Variants in PLXNA4 observed in about 807,000 individuals in gnomAD.
PLXNA4 encodes the protein plexin-A4.
In PLXNA4, 44 loss-of-function variants were observed where a neutral mutation model predicts 191.8. The ratio of observed to expected loss-of-function variants is 0.23; its 90% CI spans 0.18 to 0.29. The LOEUF (loss-of-function observed/expected upper bound fraction) is 0.29. PLXNA4 is among the 10% of genes least tolerant of loss of function. The pLI is 1.00. For synonymous variants in PLXNA4, 1,082 were observed against 1,009.5 expected, an observed-to-expected ratio of 1.07 and a Z score of -1.36; for missense variants, 1,800 against 2,488.8, an observed-to-expected ratio of 0.72 and a Z score of 5.89.
chr7:132,436,912 C>T (rs1354949644), intron 3 of PLXNA4, among the ~76,000 whole-genome samples: 1 of 152,186 alleles, frequency 6.6e-6, no homozygotes, highest in Non-Finnish European at 1.5e-5. Flanking sequence ...GACACTTGTA[C>T]TATTGGCCAG....
chr7:132,631,865 TC>T (rs1803496499), intron 2 of PLXNA4, among the ~76,000 whole-genome samples: 1 of 152,204 alleles, frequency 6.6e-6, no homozygotes, highest in African/African-American at 2.4e-5. Flanking sequence ...CACTCTCCTT[TC>T]AATTCCTTTC....
intron 9 of PLXNA4, among the ~76,000 whole-genome samples, chr7:132,218,415 G>T (rs1215249367): frequency 6.6e-6 from 1 of 152,218 alleles, no homozygotes; most frequent in Non-Finnish European, 1.5e-5. Flanking sequence ...CTGGGGGCCA[G>T]ATGTGCTTTG....
intron 4 of PLXNA4, among the ~76,000 whole-genome samples, chr7:132,256,405 G>T (rs939809188): frequency 6.6e-6 from 1 of 152,170 alleles, no homozygotes; most frequent in Non-Finnish European, 1.5e-5. Flanking sequence ...CCTGGACCAG[G>T]GTCTGGGGCA....
chr7:132,226,513 G>C (rs1441587270), intron 7 of PLXNA4, among the ~76,000 whole-genome samples: 1 of 152,218 alleles, frequency 6.6e-6, no homozygotes, highest in Non-Finnish European at 1.5e-5. Flanking sequence ...CACTGCCAGG[G>C]ATTCAAATGT....
chr7:132,385,715 C>T (rs117700223), intron 3 of PLXNA4, among the ~76,000 whole-genome samples: 2,974 of 152,326 alleles, frequency 0.02, 38 homozygotes, highest in Non-Finnish European at 0.03. Context: ...AGTGCATGCG[C>T]GCACACACAC....
chr7:132,409,959 T>A (rs146378288), intron 3 of PLXNA4, among the ~76,000 whole-genome samples: 1 of 152,318 alleles, frequency 6.6e-6, no homozygotes, highest in African/African-American at 2.4e-5. Flanking sequence ...TTTGTGCCCT[T>A]GAAGTTTAAA....
At chr7:132,163,779 A>G (rs1796017581) in intron 24 of PLXNA4, among the ~76,000 whole-genome samples, 1 of 151,922 alleles carries the variant, frequency 6.6e-6, no homozygotes, top group Admixed American at 6.6e-5. Context: ...TCTGTCCCCC[A>G]CTCTCTGCCT....
chr7:132,394,133 G>A (rs1325742060), intron 3 of PLXNA4, among the ~76,000 whole-genome samples: 1 of 152,152 alleles, frequency 6.6e-6, no homozygotes, highest in Non-Finnish European at 1.5e-5. Flanking sequence ...GGGAGAGGGG[G>A]AAGGGAACAG....
chr7:132,437,207 G>A (rs974673199), intron 3 of PLXNA4, among the ~76,000 whole-genome samples: 3 of 152,176 alleles, frequency 2.0e-5, no homozygotes, highest in African/African-American at 4.8e-5. Context: ...AACTAATACA[G>A]GGCATCCACT....
intron 4 of PLXNA4, among the ~76,000 whole-genome samples, chr7:132,246,499 A>C (rs1799055119): frequency 6.6e-6 from 1 of 152,024 alleles, no homozygotes; most frequent in African/African-American, 2.4e-5. Flanking sequence ...AATTCAAATA[A>C]CTCACAAGAG....
chr7:132,538,851 G>A (rs549393085), intron 1 of PLXNA4, among the ~76,000 whole-genome samples: 1 of 152,264 alleles, frequency 6.6e-6, no homozygotes, highest in African/African-American at 2.4e-5. Flanking sequence ...CCCTAAGCAC[G>A]AGGGAAAGAA....
At chr7:132,338,436 T>C (rs1414986726) in intron 3 of PLXNA4, among the ~76,000 whole-genome samples, 1 of 152,244 alleles carries the variant, frequency 6.6e-6, no homozygotes, top group Non-Finnish European at 1.5e-5. Context: ...AGAATACCTC[T>C]GACGTTGTCA....
chr7:132,473,668 A>T (rs919036162), intron 3 of PLXNA4, among the ~76,000 whole-genome samples: 1 of 152,164 alleles, frequency 6.6e-6, no homozygotes, highest in African/African-American at 2.4e-5. Context: ...TTGTCACGTT[A>T]AAAAGGCCAG....
At chr7:132,542,963 C>G (rs1201415598) in intron 1 of PLXNA4, among the ~76,000 whole-genome samples, 2 of 152,032 alleles carry the variant, frequency 1.3e-5, no homozygotes, top group East Asian at 3.9e-4. Context: ...GATAATTGCA[C>G]TGGAAATTAT....
rs974458900 is a variant in PLXNA4, at chr7:132,315,634, C to T, written c.1372-17412G>A. Among the ~76,000 whole-genome samples, 7 of 152,342 alleles carry T rather than the reference C, an allele frequency of 4.6e-5. No individual in the cohort carries two copies. The South Asian group carries it at 8.3e-4, about 18-fold the overall frequency. The stretch of plus-strand genomic sequence containing the variant: ...CCAATACACCTTGGCCCACATCTCA[C>T]GCCCCTCCCGAGTGAAGCACATTCA... On this transcript the variant is annotated intron_variant, in intron 3 of 31. Transcript: ENST00000321063.
At chr7:132,563,631 C>T (rs1801494267) in intron 1 of PLXNA4, among the ~76,000 whole-genome samples, 3 of 131,192 alleles carry the variant, frequency 2.3e-5, no homozygotes, top group South Asian at 2.8e-4. Flanking sequence ...TCCTTCTCTT[C>T]CTCCTTCTCC....
At chr7:132,133,822 G>A (rs114930930) in intron 30 of PLXNA4, among the ~76,000 whole-genome samples, 2,370 of 152,262 alleles carry the variant, frequency 0.016, 68 homozygotes, top group African/African-American at 0.053. Context: ...CCAGAGGGGG[G>A]TTGCGCAGTT....
At chr7:132,152,283 C>T (rs767499914) in intron 25 of PLXNA4, among the ~76,000 whole-genome samples, 2 of 152,150 alleles carry the variant, frequency 1.3e-5, no homozygotes, top group Non-Finnish European at 1.5e-5. Context: ...ATCCCCACCC[C>T]AGAAGTAAAG....
intron 4 of PLXNA4, among the ~76,000 whole-genome samples, chr7:132,242,577 A>G (rs920287336): frequency 5.3e-5 from 8 of 151,932 alleles, no homozygotes; most frequent in Non-Finnish European, 1.0e-4. Context: ...TTGTTCTCCA[A>G]AGTACACACT....
Sources: allele counts gnomAD v4.1 joint callset (sites outside exome capture counted in the v4.1 genomes callset), GRCh38; gene constraint gnomAD v4.1.1; transcripts MANE v1.5; gene names NCBI Gene and HGNC (gene_info 2026-07-23, HGNC 2026-07-21).